CPS1: variants seen among roughly 807,000 people sequenced by gnomAD.
CPS1 encodes the protein carbamoyl-phosphate synthase [ammonia], mitochondrial.
A neutral mutation model predicts 174.6 loss-of-function variants in CPS1; 109 were observed. That is an observed-to-expected ratio of 0.62 (90% CI 0.53 to 0.73). CPS1 has a LOEUF of 0.73. Ranked by LOEUF, CPS1 falls within the 30% of genes least tolerant of loss-of-function variation. CPS1 has a pLI of 0.00. For missense variants in CPS1, 1,689 were observed against 1,821.9 expected, an observed-to-expected ratio of 0.93 and a Z score of 1.33; for synonymous variants, 637 against 632.0, an observed-to-expected ratio of 1.01 and a Z score of -0.12.
rs370402086 is a variant in CPS1 at position 210,655,481 on chromosome 2, C to T, written c.3559-1044C>T. Among the ~76,000 whole-genome samples the T allele has an allele frequency of 9.2e-5, 14 of 152,196 alleles. 1 individual carries two copies. Among genetic ancestry groups the T allele is most frequent in the African/African-American group, 3.4e-4 (14 of 41,524 alleles). Reference sequence around the variant, plus strand: ...GCCATGTTAAGAAATGGACATAGAACTGCAGGTTGCTGAGCTCAGTGGGGT... The same window carrying T: ...GCCATGTTAAGAAATGGACATAGAATTGCAGGTTGCTGAGCTCAGTGGGGT... On this transcript the variant is annotated intron_variant, in intron 29 of 37. Coordinates refer to ENST00000233072, the MANE Select transcript of CPS1 (RefSeq NM_001875.5).
chr2:210,648,635 A>G, intron 27 of CPS1, 95 bp downstream of exon 27: 1 of 983,780 alleles, frequency 1.0e-6, no homozygotes, highest in Non-Finnish European at 1.6e-6. Flanking sequence ...TTCTATATGT[A>G]GTAATTTATA....
intron 1 of CPS1, among the ~76,000 whole-genome samples, chr2:210,484,869 T>C (rs1217605553): frequency 6.6e-6 from 1 of 152,188 alleles, no homozygotes; most frequent in East Asian, 1.9e-4. Context: ...GTCTCAGTGA[T>C]TGGTTTTCTG....
In CPS1 at chr2:210,660,602, C is replaced by T. The variant is rs886055555; in HGVS notation, c.3874C>T (p.His1292Tyr). The change falls in exon 32 of 38, where the codon CAT becomes TAT. Residue 1292 changes from histidine (H) to tyrosine (Y), a missense_variant. Physicochemically the swap from His to Tyr is moderately conservative, Grantham distance 83 (BLOSUM62 2). Transcript: ENST00000233072. ...VMIGENVDEK[H>Y]LPTLDHPIIP... ...GATTGGAGAGAATGTTGATGAGAAA[C>T]ATCTTCCAACATTGGACCATCCCAT... 5 of 1,614,128 alleles carry T rather than the reference C, an allele frequency of 3.1e-6. No homozygotes were observed. The highest frequency in any genetic ancestry group is 4.2e-6 in the Non-Finnish European group (5 of 1,179,972).
At chr2:210,562,326 G>T (rs1282070836) in intron 1 of CPS1, among the ~76,000 whole-genome samples, 1 of 152,144 alleles carries the variant, frequency 6.6e-6, no homozygotes, top group Admixed American at 6.5e-5. Context: ...TTGGAATGTT[G>T]TAAGATTATT....
chr2:210,504,108 G>T (rs1574473471), intron 1 of CPS1, among the ~76,000 whole-genome samples: 1 of 152,028 alleles, frequency 6.6e-6, no homozygotes. Context: ...TGCGCTTTTG[G>T]TGCCAGGATA....
chr2:210,650,493 A>G, intron 28 of CPS1, 55 bp downstream of exon 28: 1 of 1,208,548 alleles, frequency 8.3e-7, no homozygotes, highest in Non-Finnish European at 1.2e-6. Flanking sequence ...ATGTAGTGAC[A>G]TTTATCTCTT....
At chr2:210,615,120 C>T (rs948454532) in intron 20 of CPS1, among the ~76,000 whole-genome samples, 5 of 151,898 alleles carry the variant, frequency 3.3e-5, no homozygotes, top group Admixed American at 6.6e-5. Context: ...TAGGCCCTCC[C>T]TCACTGTATG....
intron 1 of CPS1, among the ~76,000 whole-genome samples, chr2:210,564,271 A>AC (rs1026697474): frequency 1.6e-4 from 24 of 152,116 alleles, no homozygotes; most frequent in African/African-American, 5.8e-4. Flanking sequence ...CTTATATGTA[A>AC]CCCCCCCTCA....
chr2:210,535,286 T>A (rs1341746893), intron 1 of CPS1, among the ~76,000 whole-genome samples: 1 of 152,194 alleles, frequency 6.6e-6, no homozygotes, highest in East Asian at 1.9e-4. Context: ...TAGTGTTTTC[T>A]GGCTATGCTT....
chr2:210,662,311 T>C (rs552325297), intron 32 of CPS1, among the ~76,000 whole-genome samples: 5 of 152,324 alleles, frequency 3.3e-5, no homozygotes, highest in African/African-American at 1.2e-4. Context: ...TTAATAGCCC[T>C]AGTGAGGCTA....
At chr2:210,495,968 C>A (rs539866166) in intron 1 of CPS1, among the ~76,000 whole-genome samples, 1 of 151,580 alleles carries the variant, frequency 6.6e-6, no homozygotes, top group Non-Finnish European at 1.5e-5. Context: ...CCTTCCTTAC[C>A]TTCCTCCCCT....
At position 210,579,606 on chromosome 2, in the gene CPS1, A is replaced by G. The variant is rs184654270; in HGVS notation, c.472-108A>G. 5.9e-6 allele frequency: 5 copies of G among 850,114 alleles called. No homozygotes were observed. In the East Asian group the frequency reaches 9.8e-5, roughly 17 times the overall value. The allele number at this position is 850,114 out of a possible 1,614,324, so 52.7% of individuals were successfully genotyped here. On this transcript the variant is annotated intron_variant, in intron 4 of 37. Transcript: ENST00000233072. ...GTCAGAGAAAAGAAAGAGTGGAGAA[A>G]TTATTTACTGCTCAAGAAGATAGAT...
In CPS1 at chr2:210,676,337, G is replaced by A. The variant is rs760998391; in HGVS notation, c.4274+497G>A. Among the ~76,000 whole-genome samples the A allele has an allele frequency of 3.3e-5, 5 of 152,110 alleles. No individual in the cohort carries two copies. The East Asian group carries it at 7.7e-4, about 23-fold the overall frequency. On this transcript the variant is annotated intron_variant, in intron 36 of 37. Transcript: ENST00000233072. ...TTAGACCATGTCATCATTAGATTTT[G>A]TACGACATTTTATTTCAGCAGATTG... is the stretch of plus-strand genomic sequence containing the variant.
intron 1 of CPS1, among the ~76,000 whole-genome samples, chr2:210,510,718 A>G (rs1480888740): frequency 2.6e-5 from 4 of 152,240 alleles, no homozygotes; most frequent in Admixed American, 2.6e-4. Flanking sequence ...CAAGTGGGCG[A>G]AGGATATGAA....
rs1696570688 is a variant in CPS1, at chr2:210,546,551, A to G, written c.4-10168A>G. Among the ~76,000 whole-genome samples the G allele has an allele frequency of 2.6e-5, 4 of 152,110 alleles. No individual in the cohort carries two copies. In the South Asian group the frequency reaches 8.3e-4, roughly 31 times the overall value. ...AAGAGTATGATTTCATATGGCTTTG[A>G]AGGATTGATAGGATATAGACAAATT... On this transcript the variant is annotated intron_variant, in intron 1 of 38. Transcript: ENST00000430249.
At chr2:210,610,986 A>G (rs1443184821) in intron 19 of CPS1, among the ~76,000 whole-genome samples, 1 of 151,854 alleles carries the variant, frequency 6.6e-6, no homozygotes, top group Non-Finnish European at 1.5e-5. Flanking sequence ...TACCCAAAAT[A>G]TTTCCTTAAT....
In CPS1 at chr2:210,582,696, A is replaced by T; in HGVS notation, c.608A>T (p.Glu203Val). ...CCAAATAAACAGAATTTGATTGCTG[A>T]GGTTTCAACCAAGGTGAGGGGTTTT... ...VDPNKQNLIA[E>V]VSTKDVKVYG... The change falls in exon 6 of 38, where the codon GAG (glutamate) becomes GTG (valine). Residue 203 changes from glutamate (E) to valine (V), a missense_variant. Coordinates refer to ENST00000233072, the MANE Select transcript of CPS1 (RefSeq NM_001875.5). 1 of 1,612,076 alleles carries T rather than the reference A, an allele frequency of 6.2e-7. No homozygotes were observed. Among genetic ancestry groups the T allele is most frequent in the Non-Finnish European group, 8.5e-7 (1 of 1,178,356 alleles).
In CPS1 at chr2:210,512,540, CT is replaced by C. The variant is rs1251309231; in HGVS notation, c.3+34781del. ...TTGCAGCAAAGGACATGATTTTATT[CT>C]TTTTTTATGGCTGTGTAATATTCTA... On this transcript the variant is annotated intron_variant, in intron 1 of 38. Coordinates refer to the CPS1 transcript ENST00000430249. 5.9e-5 allele frequency among the ~76,000 whole-genome samples: 9 copies of C among 151,372 alleles called. No individual in the cohort carries two copies. In the East Asian group the frequency reaches 7.8e-4, roughly 13 times the overall value.
chr2:210,480,675 GAC>G lies in CPS1; in HGVS notation c.3+2917_3+2918del, dbSNP rs140832090. 7.2e-3 allele frequency among the ~76,000 whole-genome samples: 1,098 copies of G among 152,264 alleles called. 9 individuals carry two copies. Among genetic ancestry groups the G allele is most frequent in the African/African-American group, 0.025 (1,034 of 41,544 alleles). On this transcript the variant is annotated intron_variant, in intron 1 of 38. Transcript: ENST00000430249. ...AAACACACATATACGCACACAGACA[GAC>G]ACACACATACAAAATCAAGCAAATG...
Sources: allele counts gnomAD v4.1 joint callset (sites outside exome capture counted in the v4.1 genomes callset), GRCh38; gene constraint gnomAD v4.1.1; transcripts MANE v1.5; gene names NCBI Gene and HGNC (gene_info 2026-07-23, HGNC 2026-07-21).